FANCB: variants seen among roughly 807,000 people sequenced by gnomAD.
FANCB encodes the protein FA complementation group B, also known as Fanconi anemia group B protein.
In FANCB, 5 loss-of-function variants were observed where a neutral mutation model predicts 38.9. The ratio of observed to expected loss-of-function variants is 0.13; its 90% CI spans 0.07 to 0.27. The LOEUF is 0.27. FANCB is among the 10% of genes least tolerant of loss of function. The pLI is 1.00. For missense variants in FANCB, 573 were observed against 602.7 expected, an observed-to-expected ratio of 0.95 and a Z score of 0.52; for synonymous variants, 236 against 215.4, an observed-to-expected ratio of 1.10 and a Z score of -0.84.
the FANCB span, among the ~76,000 whole-genome samples, chrX:14,783,932 A>G: frequency 8.9e-6 from 1 of 112,740 alleles, no homozygotes; most frequent in Non-Finnish European, 1.9e-5. Context: ...ATGCAAGGCC[A>G]GGCGCGGTGG....
At chrX:14,692,273 C>A in the FANCB span, among the ~76,000 whole-genome samples, 1 of 112,417 alleles carries the variant, frequency 8.9e-6, no homozygotes, top group Admixed American at 9.4e-5. Flanking sequence ...GTGCCTTTCT[C>A]AATTTTCTCC....
At chrX:14,699,299 A>G in the FANCB span, among the ~76,000 whole-genome samples, 25,971 of 111,371 alleles carry the variant, frequency 0.23, 2,258 homozygotes, top group Non-Finnish European at 0.26. Context: ...CTGGCATTGT[A>G]CCTAATTTCA....
chrX:14,825,121 CA>C, the FANCB span, among the ~76,000 whole-genome samples: 3 of 112,154 alleles, frequency 2.7e-5, no homozygotes, highest in Non-Finnish European at 5.6e-5. Context: ...CAATCTTCTC[CA>C]ACCACTTTAA....
the FANCB span, among the ~76,000 whole-genome samples, chrX:14,722,934 C>T: frequency 8.9e-6 from 1 of 112,610 alleles, no homozygotes; most frequent in Admixed American, 9.4e-5. Context: ...CAAGTATTGC[C>T]TTATCTGGGT....
the FANCB span, among the ~76,000 whole-genome samples, chrX:14,738,720 A>G: frequency 1.8e-5 from 2 of 112,226 alleles, no homozygotes; most frequent in African/African-American, 6.5e-5. Context: ...GGCATTCTCA[A>G]ATAACTTGGC....
chrX:14,736,930 G>A, the FANCB span, among the ~76,000 whole-genome samples: 6 of 111,567 alleles, frequency 5.4e-5, no homozygotes, highest in Non-Finnish European at 1.1e-4. Context: ...GCCAAGGCAG[G>A]TGGATCACAA....
the FANCB span, among the ~76,000 whole-genome samples, chrX:14,745,671 G>T: frequency 1.0e-5 from 1 of 98,558 alleles, no homozygotes; most frequent in Non-Finnish European, 2.0e-5. Context: ...TGAGACTGAT[G>T]ACTGGAAACT....
At chrX:14,810,188 A>G in the FANCB span, among the ~76,000 whole-genome samples, 1 of 111,633 alleles carries the variant, frequency 9.0e-6, no homozygotes, top group South Asian at 3.7e-4. Flanking sequence ...TCAAAGACCA[A>G]AAGTAGATAA....
chrX:14,739,148 T>G, the FANCB span, among the ~76,000 whole-genome samples: 1 of 112,063 alleles, frequency 8.9e-6, no homozygotes, highest in African/African-American at 3.2e-5. Flanking sequence ...AAGTATAATT[T>G]GAATGATTCA....
chrX:14,843,617 C>T lies in FANCB; in HGVS notation c.2530G>A (p.Glu844Lys), dbSNP rs1247789556. 1 of 1,206,698 alleles carries T rather than the reference C, an allele frequency of 8.3e-7. No individual in the cohort carries two copies. The highest frequency in any genetic ancestry group is 3.0e-5 in the East Asian group (1 of 33,801). Residue 844 changes from glutamate to lysine, a missense_variant, in exon 10 of 10, where the codon GAG becomes AAG. Transcript: ENST00000650831. The part of the protein sequence containing the change: ...LYREITLKVA[E>K]VQLKSDFAAQ... The stretch of plus-strand genomic sequence containing the variant: ...GCAAAGTCTGATTTCAACTGAACCT[C>T]AGCTACTTTCAAAGTTATTTCTCTG...
chrX:14,773,942 C>T, the FANCB span, among the ~76,000 whole-genome samples: 4 of 111,297 alleles, frequency 3.6e-5, no homozygotes, highest in African/African-American at 6.6e-5. Flanking sequence ...CCAGATACAA[C>T]GGTGTGGTGA....
At chrX:14,844,269 G>A (rs750866138) in intron 9 of FANCB, among the ~76,000 whole-genome samples, 254 of 110,499 alleles carry the variant, frequency 2.3e-3, no homozygotes, top group Non-Finnish European at 3.8e-3. Flanking sequence ...GAGAGGTAAC[G>A]GGAAATCTCA....
intron 7 of FANCB, among the ~76,000 whole-genome samples, chrX:14,846,164 G>A (rs750273911): frequency 1.8e-5 from 2 of 111,135 alleles, no homozygotes; most frequent in East Asian, 2.8e-4. Context: ...TATCAATAGC[G>A]GAGACAGAAG....
chrX:14,693,358 C>A, the FANCB span, among the ~76,000 whole-genome samples: 1 of 111,366 alleles, frequency 9.0e-6, no homozygotes, highest in Non-Finnish European at 1.9e-5. Context: ...GACTTTAAGA[C>A]CAAAATTATT....
At chrX:14,741,699 G>A in the FANCB span, among the ~76,000 whole-genome samples, 1 of 111,694 alleles carries the variant, frequency 9.0e-6, no homozygotes, top group Admixed American at 9.6e-5. Context: ...GTATTCAAAA[G>A]GATAAAATCA....
At chrX:14,732,752 A>T in the FANCB span, among the ~76,000 whole-genome samples, 1 of 111,663 alleles carries the variant, frequency 9.0e-6, no homozygotes, top group African/African-American at 3.3e-5. Context: ...AAATTTGTTT[A>T]AGTTATTTGT....
the FANCB span, among the ~76,000 whole-genome samples, chrX:14,737,072 G>C: frequency 4.5e-5 from 5 of 111,222 alleles, no homozygotes; most frequent in Non-Finnish European, 9.4e-5. Context: ...CGAGAGAATT[G>C]CTTGAACCCA....
the FANCB span, among the ~76,000 whole-genome samples, chrX:14,795,333 A>G: frequency 8.9e-6 from 1 of 112,250 alleles, no homozygotes; most frequent in Non-Finnish European, 1.9e-5. Flanking sequence ...TAATGCATTC[A>G]CTCATATATT....
At chrX:14,793,165 A>G in the FANCB span, among the ~76,000 whole-genome samples, 3 of 112,436 alleles carry the variant, frequency 2.7e-5, no homozygotes, top group Non-Finnish European at 3.8e-5. Flanking sequence ...TTTCTCACTG[A>G]TATGTAAAAA....
Sources: allele counts gnomAD v4.1 joint callset (sites outside exome capture counted in the v4.1 genomes callset), GRCh38; gene constraint gnomAD v4.1.1; transcripts MANE v1.5; gene names NCBI Gene and HGNC (gene_info 2026-07-23, HGNC 2026-07-21).